LRRC7: variants seen among roughly 807,000 people sequenced by gnomAD.
LRRC7 encodes the protein leucine-rich repeat-containing protein 7.
In LRRC7, 23 loss-of-function variants were observed where a neutral mutation model predicts 175.7. The ratio of observed to expected loss-of-function variants is 0.13; its 90% CI spans 0.09 to 0.19. The LOEUF (loss-of-function observed/expected upper bound fraction) is 0.19. Ranked by LOEUF, LRRC7 falls within the 10% of genes least tolerant of loss-of-function variation. The probability of loss-of-function intolerance (pLI) is 1.00; values close to 1 mark genes in which losing one functional copy is unlikely to be tolerated. For missense variants in LRRC7, 1,354 were observed against 1,904.7 expected (o/e 0.71, Z 5.38); for synonymous variants, 685 against 680.9 (o/e 1.01, Z -0.09).
At chr1:69,689,007 A>G (rs940890240) in intron 2 of LRRC7, among the ~76,000 whole-genome samples, 1 of 152,176 alleles carries the variant, frequency 6.6e-6, no homozygotes, top group African/African-American at 2.4e-5. Context: ...TTGGGATATC[A>G]GGAATCAGGG....
At chr1:69,688,635 T>TG (rs1661477541) in intron 2 of LRRC7, among the ~76,000 whole-genome samples, 14 of 138,918 alleles carry the variant, frequency 1.0e-4, no homozygotes, top group Admixed American at 8.0e-4. Context: ...TTTATGGTTT[T>TG]TTTTTTTTTT....
At chr1:70,013,754 G>A (rs974664488) in intron 13 of LRRC7, among the ~76,000 whole-genome samples, 1 of 152,014 alleles carries the variant, frequency 6.6e-6, no homozygotes. Context: ...AGAGATAACA[G>A]CTAAGAAAAT....
intron 2 of LRRC7, among the ~76,000 whole-genome samples, chr1:69,693,318 C>T (rs35656370): frequency 0.24 from 36,661 of 151,862 alleles, 5,360 homozygotes; most frequent in African/African-American, 0.4. Flanking sequence ...CAAATTTGAC[C>T]GAGTGTCTGT....
At chr1:69,934,760 A>G (rs1351318545) in intron 8 of LRRC7, among the ~76,000 whole-genome samples, 1 of 152,136 alleles carries the variant, frequency 6.6e-6, no homozygotes, top group Non-Finnish European at 1.5e-5. Flanking sequence ...AGGCTGATGT[A>G]TGGAACCAGA....
At chr1:69,741,732 C>T (rs537081133) in intron 2 of LRRC7, among the ~76,000 whole-genome samples, 201 of 152,098 alleles carry the variant, frequency 1.3e-3, no homozygotes, top group Non-Finnish European at 2.6e-3. Flanking sequence ...CTGATTATGA[C>T]TCTAATTTAG....
chr1:69,736,133 A>C (rs530454793), intron 2 of LRRC7, among the ~76,000 whole-genome samples: 61 of 152,240 alleles, frequency 4.0e-4, no homozygotes, highest in African/African-American at 1.4e-3. Context: ...GAAATCAATT[A>C]CTTCACAATT....
intron 8 of LRRC7, among the ~76,000 whole-genome samples, chr1:69,964,726 T>C (rs902476576): frequency 2.0e-5 from 3 of 152,214 alleles, no homozygotes; most frequent in African/African-American, 7.2e-5. Flanking sequence ...TCCTGTGACT[T>C]TCCTCATTGT....
intron 11 of LRRC7, among the ~76,000 whole-genome samples, chr1:69,997,005 A>G (rs545941991): frequency 6.6e-6 from 1 of 152,266 alleles, no homozygotes; most frequent in South Asian, 2.1e-4. Flanking sequence ...GGCCATTTTC[A>G]TGATATTGAT....
intron 7 of LRRC7, among the ~76,000 whole-genome samples, chr1:69,927,019 T>C (rs976010530): frequency 4.4e-4 from 67 of 152,356 alleles, no homozygotes; most frequent in African/African-American, 1.5e-3. Flanking sequence ...ACAAAATCTC[T>C]CAGCATTTGC....
chr1:70,096,501 G>A (rs1210053800), intron 25 of LRRC7, among the ~76,000 whole-genome samples: 1 of 151,714 alleles, frequency 6.6e-6, no homozygotes, highest in Admixed American at 6.6e-5. Flanking sequence ...TCTCTAGTGT[G>A]GAATTAAACA....
intron 23 of LRRC7, among the ~76,000 whole-genome samples, chr1:70,075,287 G>A (rs1015943105): frequency 2.0e-5 from 3 of 152,160 alleles, no homozygotes; most frequent in Admixed American, 1.3e-4. Flanking sequence ...ATAGAATGAC[G>A]CAAGGAGCTG....
chr1:69,909,752 G>C (rs1646460499), intron 7 of LRRC7, among the ~76,000 whole-genome samples: 1 of 151,706 alleles, frequency 6.6e-6, no homozygotes, highest in Admixed American at 6.6e-5. Context: ...ATGTGTCTTG[G>C]AGTTGCTCTT....
At chr1:69,744,242 A>G (rs1167905397) in intron 2 of LRRC7, among the ~76,000 whole-genome samples, 1 of 151,864 alleles carries the variant, frequency 6.6e-6, no homozygotes, top group Non-Finnish European at 1.5e-5. Context: ...TCAAAACCAT[A>G]TGCTCTCAAC....
chr1:69,980,279 T>TA, intron 8 of LRRC7, 100 bp from the exon 9 acceptor site: 2 of 1,051,188 alleles, frequency 1.9e-6, no homozygotes, highest in Non-Finnish European at 1.4e-6. Context: ...GATTCCCAAA[T>TA]AAAAGCTCAA....
At chr1:69,734,535 T>C (rs1328687700) in intron 2 of LRRC7, among the ~76,000 whole-genome samples, 1 of 151,998 alleles carries the variant, frequency 6.6e-6, no homozygotes, top group East Asian at 1.9e-4. Context: ...AATGGCTATA[T>C]AGTATTTCAT....
chr1:69,776,002 G>C (rs1306633495), intron 3 of LRRC7, among the ~76,000 whole-genome samples: 1 of 152,132 alleles, frequency 6.6e-6, no homozygotes, highest in African/African-American at 2.4e-5. Flanking sequence ...AATCCCAATA[G>C]AGCCTCTAAT....
intron 3 of LRRC7, among the ~76,000 whole-genome samples, chr1:69,776,365 T>C (rs1001511593): frequency 6.6e-5 from 10 of 152,176 alleles, no homozygotes; most frequent in African/African-American, 2.4e-4. Flanking sequence ...CCTCTCCCTA[T>C]AAAATGAGAA....
chr1:69,869,823 G>A (rs1224970941), intron 7 of LRRC7, among the ~76,000 whole-genome samples: 1 of 152,016 alleles, frequency 6.6e-6, no homozygotes, highest in Non-Finnish European at 1.5e-5. Flanking sequence ...GAAATCAGAA[G>A]GATTTTTGGA....
At chr1:69,975,551 T>C (rs528103092) in intron 8 of LRRC7, among the ~76,000 whole-genome samples, 2 of 152,272 alleles carry the variant, frequency 1.3e-5, no homozygotes, top group East Asian at 3.9e-4. Flanking sequence ...AGAAAAAAAG[T>C]TATAATTGTT....
Sources: gnomAD v4.1 joint callset for allele counts (sites outside exome capture counted in the v4.1 genomes callset) on GRCh38, gnomAD v4.1.1 for gene constraint, MANE v1.5 for transcripts, NCBI Gene and HGNC (gene_info 2026-07-23, HGNC 2026-07-21) for gene names.